The following C12orf56 variants were observed in gnomAD, a reference collection of about 807,000 sequenced individuals.
C12orf56 encodes the protein uncharacterized protein C12orf56.
In C12orf56, 71 loss-of-function variants were observed where a neutral mutation model predicts 69.9. That is an observed-to-expected ratio of 1.02 (90% CI 0.84 to 1.24). The LOEUF is 1.24. Ranked by LOEUF, C12orf56 falls within the 50% of genes most tolerant of loss-of-function variation. The pLI, the probability that C12orf56 is intolerant of heterozygous loss-of-function variation, is 0.00. For missense variants in C12orf56, 732 were observed against 738.5 expected (o/e 0.99, Z 0.10); for synonymous variants, 276 against 274.1 (o/e 1.01, Z -0.07).
intron 7 of C12orf56, 40 bp downstream of exon 7, chr12:64,285,914 C>CAAAAAA: frequency 9.4e-7 from 1 of 1,068,784 alleles, no homozygotes. Context: ...AACACCCTAG[C>CAAAAAA]AAAAAAAAAA....
chr12:64,352,424 AC>A, intron 2 of C12orf56: 1 of 152,318 alleles, frequency 6.6e-6, no homozygotes, highest in Non-Finnish European at 1.5e-5. Flanking sequence ...CTTCGTTCTT[AC>A]CCTTATTCTT....
rs1320547740 is a variant in C12orf56 at position 64,366,369 on chromosome 12, T to G, written c.253-13313A>C. Among the ~76,000 whole-genome samples, 185 of 102,676 alleles carry G rather than the reference T, an allele frequency of 1.8e-3. 3 individuals are homozygous for G. Among genetic ancestry groups the G allele is most frequent in the African/African-American group, 7.0e-3 (174 of 24,826 alleles). 67.4% of individuals were successfully genotyped at this position (102,676 alleles called of 152,430 possible). The stretch of plus-strand genomic sequence containing the variant: ...TATTATATATTATATACAGTTTATA[T>G]ATATTATATATAACATACAGTTTAT... On this transcript the variant is annotated intron_variant, in intron 1 of 12. Coordinates refer to ENST00000543942, the MANE Select transcript of C12orf56 (RefSeq NM_001170633.2).
chr12:64,380,863 TAAG>T, intron 1 of C12orf56, among the ~76,000 whole-genome samples: 1 of 152,152 alleles, frequency 6.6e-6, no homozygotes, highest in Admixed American at 6.5e-5. Context: ...TTGTAAGCAA[TAAG>T]GAGTTTGGAG....
intron 11 of C12orf56, among the ~76,000 whole-genome samples, chr12:64,272,954 G>A (rs550982724): frequency 1.1e-4 from 17 of 152,266 alleles, no homozygotes; most frequent in African/African-American, 4.1e-4. Context: ...CATCACTCTA[G>A]AGAAACAGCA....
At position 64,266,326 on chromosome 12, in the gene C12orf56, T is replaced by G. The variant is rs1267215025; in HGVS notation, c.*857A>C. 1.8e-5 allele frequency: 3 copies of G among 162,694 alleles called. No individual in the cohort carries two copies. The highest frequency in any genetic ancestry group is 7.2e-5 in the African/African-American group (3 of 41,786). 10.1% of individuals were successfully genotyped at this position (162,694 alleles called of 1,614,324 possible). ...ATAGATTTTTGTCTTAGAACCTTTT[T>G]TTCTGGAGAAACGCTACTGTTTAGC... On this transcript the variant is annotated 3_prime_UTR_variant, in exon 13 of 13. Coordinates refer to ENST00000543942, the MANE Select transcript of C12orf56 (RefSeq NM_001170633.2).
In C12orf56 at chr12:64,286,086, A is replaced by G. The variant is rs770115912; in HGVS notation, c.1114-26T>C. The G allele has an allele frequency of 2.8e-6, 4 of 1,404,274 alleles. No individual in the cohort carries two copies. The South Asian group carries it at 3.7e-5, about 13-fold the overall frequency. The allele number at this position is 1,404,274 out of a possible 1,614,324, so 87.0% of individuals were successfully genotyped here. ...CTGTGAAAGCAAGTTGGAAAAAAAG[A>G]CAGTAATTAAGGTATCTGTTGTTAA... On this transcript the variant is annotated intron_variant, in intron 6 of 12. Transcript: ENST00000543942.
At chr12:64,390,000 C>G (rs2039845943) in intron 1 of C12orf56, among the ~76,000 whole-genome samples, 2 of 152,202 alleles carry the variant, frequency 1.3e-5, no homozygotes, top group African/African-American at 4.8e-5. Context: ...TGACTAGGTG[C>G]TTTGTTAACA....
chr12:64,364,830 C>T (rs994237297), intron 1 of C12orf56, among the ~76,000 whole-genome samples: 3 of 151,910 alleles, frequency 2.0e-5, no homozygotes, highest in Admixed American at 6.6e-5. Flanking sequence ...ATAACCATAC[C>T]CAGGCATGAG....
At position 64,318,891 on chromosome 12, in the gene C12orf56, G is replaced by C. The variant is rs372432023; in HGVS notation, c.578C>G (p.Ala193Gly). ...LKKLSLHGQG[A>G]FRPLPSPSRR... Reference sequence around the variant, plus strand: ...GGAGGGGGAAGGTAGGGGTCGAAAGGCACCTTGGCCATGAAGGGACAGCTT... The same window carrying C: ...GGAGGGGGAAGGTAGGGGTCGAAAGCCACCTTGGCCATGAAGGGACAGCTT... The change falls in exon 4 of 13, where the codon GCC (alanine) becomes GGC (glycine). Residue 193 changes from alanine to glycine, a missense_variant. By Grantham distance (60) the Ala-to-Gly change is moderately conservative (BLOSUM62 0). Coordinates refer to ENST00000543942, the MANE Select transcript of C12orf56 (RefSeq NM_001170633.2). 2.7e-5 allele frequency: 42 copies of C among 1,537,180 alleles called. No individual in the cohort carries two copies. The African/African-American group carries it at 4.9e-4, about 18-fold the overall frequency.
At chr12:64,352,116 GTTT>G (rs55635010) in intron 2 of C12orf56, among the ~76,000 whole-genome samples, 1 of 147,208 alleles carries the variant, frequency 6.8e-6, no homozygotes, top group Non-Finnish European at 1.5e-5. Context: ...TTTTTTTTTT[GTTT>G]TTTTTTTTAC....
At chr12:64,380,155 G>A (rs1201562398) in intron 1 of C12orf56, among the ~76,000 whole-genome samples, 12 of 118,764 alleles carry the variant, frequency 1.0e-4, no homozygotes, top group African/African-American at 3.0e-4. Context: ...AAAAAAAAAC[G>A]CACAATGCAG....
rs140413504 is a variant in C12orf56 at position 64,361,849 on chromosome 12, C to T, written c.253-8793G>A. ...CTGGGTTCAAGCAATTCTCCTGCCT[C>T]AGCCTCCCGAGTATCTGGGATTACA... On this transcript the variant is annotated intron_variant, in intron 1 of 12. Transcript: ENST00000543942. 3.9e-3 allele frequency among the ~76,000 whole-genome samples: 590 copies of T among 152,208 alleles called. 4 individuals carry two copies. Among genetic ancestry groups the T allele is most frequent in the African/African-American group, 0.014 (561 of 41,540 alleles).
chr12:64,316,668 G>C (rs572445192), intron 4 of C12orf56, among the ~76,000 whole-genome samples: 70 of 152,040 alleles, frequency 4.6e-4, no homozygotes, highest in Middle Eastern at 6.8e-3. Flanking sequence ...TCAAATCCCA[G>C]CTCTACACTA....
At chr12:64,287,052 C>T (rs1476621906) in intron 6 of C12orf56, among the ~76,000 whole-genome samples, 2 of 151,964 alleles carry the variant, frequency 1.3e-5, no homozygotes, top group African/African-American at 2.4e-5. Flanking sequence ...GCCTGGCCAA[C>T]GTGGCAAAAC....
chr12:64,270,586 G>T lies in C12orf56; in HGVS notation c.1713C>A (p.His571Gln). The change falls in exon 12 of 13, where the codon CAC becomes CAA. Residue 571 changes from histidine to glutamine, a missense_variant. His to Gln is a conservative substitution (Grantham distance 24). Transcript: ENST00000543942. Reference protein sequence around the residue: ...QFYILKSCLRHSRTLAEYIRN... With the variant: ...QFYILKSCLRQSRTLAEYIRN... ...TAATATACTCAGCTAGAGTCCTGCT[G>T]TGCCGCAGACAGCTCTTGAGGATGT... 6.2e-7 allele frequency: 1 copy of T among 1,612,810 alleles called. No homozygotes were observed. The highest frequency in any genetic ancestry group is 8.5e-7 in the Non-Finnish European group (1 of 1,179,482).
chr12:64,339,782 C>CA (rs35377182), intron 2 of C12orf56, among the ~76,000 whole-genome samples: 66,199 of 151,590 alleles, frequency 0.44, 14,794 homozygotes, highest in Admixed American at 0.56. Flanking sequence ...AGGCTGGTCT[C>CA]AACTCCTGCC....
chr12:64,338,711 T>C, intron 2 of C12orf56: 1 of 1,534,702 alleles, frequency 6.5e-7, no homozygotes, highest in Non-Finnish European at 9.0e-7. Context: ...ATCTATTCCT[T>C]CTGCTTTCTC....
chr12:64,322,644 C>G (rs955923487), intron 3 of C12orf56, among the ~76,000 whole-genome samples: 1 of 152,084 alleles, frequency 6.6e-6, no homozygotes, highest in African/African-American at 2.4e-5. Flanking sequence ...TATAGCGAGG[C>G]CCCATTTCTG....
intron 9 of C12orf56, among the ~76,000 whole-genome samples, chr12:64,276,424 T>A (rs4763147): frequency 0.75 from 114,727 of 152,160 alleles, 43,669 homozygotes; most frequent in Non-Finnish European, 0.8. Flanking sequence ...GGCCAATATC[T>A]TTCCTTACCT....
Sources: allele counts gnomAD v4.1 joint callset (sites outside exome capture counted in the v4.1 genomes callset), GRCh38; gene constraint gnomAD v4.1.1; transcripts MANE v1.5; gene names NCBI Gene and HGNC (gene_info 2026-07-23, HGNC 2026-07-21).